ASNS: variants seen among roughly 807,000 people sequenced by gnomAD.
ASNS encodes asparagine synthetase [glutamine-hydrolyzing].
A neutral mutation model predicts 62.6 loss-of-function variants in ASNS; 37 were observed. That is an observed-to-expected ratio of 0.59 (90% confidence interval 0.45 to 0.78). The LOEUF is 0.78. Ranked by LOEUF, ASNS falls within the 30% of genes least tolerant of loss-of-function variation. ASNS has a pLI of 0.00. For missense variants in ASNS, 520 were observed against 682.4 expected (o/e 0.76, Z 2.65); for synonymous variants, 207 against 237.9 (o/e 0.87, Z 1.19).
the ASNS span, among the ~76,000 whole-genome samples, chr7:97,925,334 A>G: frequency 6.6e-6 from 1 of 152,158 alleles, no homozygotes; most frequent in Non-Finnish European, 1.5e-5. Flanking sequence ...CAGGGACCCA[A>G]GCTCGACACT....
chr7:97,928,136 C>A, the ASNS span: 12 of 1,531,954 alleles, frequency 7.8e-6, no homozygotes, highest in South Asian at 1.3e-4. Context: ...CCGGCCGCGG[C>A]GCGTCCTCCC....
chr7:97,859,712 G>A lies in ASNS; in HGVS notation c.488-314C>T, dbSNP rs944331638. ...AAGAAAACCTATTTTCTATACTAAA[G>A]CAAATACACAAAAGGAAAAGACACA... On this transcript the variant is annotated intron_variant, in intron 4 of 12. Coordinates refer to ENST00000394308, the MANE Select transcript of ASNS (RefSeq NM_001673.5). Among the ~76,000 whole-genome samples the A allele has an allele frequency of 1.8e-4, 28 of 152,130 alleles. No individual in the cohort carries two copies. The Middle Eastern group carries it at 0.01, about 55-fold the overall frequency.
the ASNS span, among the ~76,000 whole-genome samples, chr7:97,892,220 A>G: frequency 6.6e-6 from 1 of 152,102 alleles, no homozygotes; most frequent in Non-Finnish European, 1.5e-5. Context: ...GGCTCCTTTT[A>G]GCTGCAGCTG....
the ASNS span, among the ~76,000 whole-genome samples, chr7:97,877,816 T>C: frequency 6.6e-6 from 1 of 152,208 alleles, no homozygotes. Flanking sequence ...GCTGAGCAAA[T>C]GTGCTTAACA....
At chr7:97,917,195 T>C in the ASNS span, among the ~76,000 whole-genome samples, 1 of 145,972 alleles carries the variant, frequency 6.9e-6, no homozygotes, top group Non-Finnish European at 1.5e-5. Flanking sequence ...GTCCCAAATA[T>C]TGCATGGGAT....
the ASNS span, among the ~76,000 whole-genome samples, chr7:97,913,466 G>A: frequency 3.3e-5 from 5 of 152,100 alleles, no homozygotes; most frequent in South Asian, 2.1e-4. Context: ...TGTGCCTTTC[G>A]TATGCTCTCC....
At chr7:97,919,150 C>T in the ASNS span, among the ~76,000 whole-genome samples, 1 of 150,802 alleles carries the variant, frequency 6.6e-6, no homozygotes, top group South Asian at 2.1e-4. Flanking sequence ...CTGCAACCTC[C>T]TCCTCACTGC....
the ASNS span, among the ~76,000 whole-genome samples, chr7:97,919,517 C>G: frequency 6.6e-6 from 1 of 152,034 alleles, no homozygotes; most frequent in Non-Finnish European, 1.5e-5. Context: ...AGGACAGAGT[C>G]AAAAAAGAAA....
chr7:97,893,550 G>T, the ASNS span, among the ~76,000 whole-genome samples: 1 of 152,182 alleles, frequency 6.6e-6, no homozygotes, highest in East Asian at 1.9e-4. Context: ...CACACAAACA[G>T]AAATCAAAAA....
At chr7:97,922,363 C>CA in the ASNS span, among the ~76,000 whole-genome samples, 297 of 140,800 alleles carry the variant, frequency 2.1e-3, 1 homozygote, top group South Asian at 8.9e-3. Flanking sequence ...GAGATTGTCT[C>CA]AAAAAAAAAA....
chr7:97,880,937 T>G, the ASNS span, among the ~76,000 whole-genome samples: 1 of 125,206 alleles, frequency 8.0e-6, no homozygotes, highest in African/African-American at 2.7e-5. Flanking sequence ...GTGTGTGTTT[T>G]TGTTTTGTTT....
At chr7:97,901,850 C>T in the ASNS span, among the ~76,000 whole-genome samples, 1 of 152,072 alleles carries the variant, frequency 6.6e-6, no homozygotes, top group Non-Finnish European at 1.5e-5. Context: ...TGATGTTGTG[C>T]ACCTGTAGTC....
the ASNS span, among the ~76,000 whole-genome samples, chr7:97,885,309 T>C: frequency 6.9e-6 from 1 of 144,538 alleles, no homozygotes; most frequent in Admixed American, 6.7e-5. Flanking sequence ...AGCATTTGTG[T>C]TGTTTTCACT....
the ASNS span, among the ~76,000 whole-genome samples, chr7:97,887,914 A>T: frequency 2.0e-5 from 3 of 152,200 alleles, no homozygotes; most frequent in Non-Finnish European, 2.9e-5. Context: ...TTGGCCTGAC[A>T]CTACCAGTAA....
chr7:97,904,668 C>T, the ASNS span, among the ~76,000 whole-genome samples: 1 of 151,934 alleles, frequency 6.6e-6, no homozygotes, highest in Non-Finnish European at 1.5e-5. Flanking sequence ...CAGGGCAATG[C>T]ATGAAGACAG....
At chr7:97,870,138 G>C (rs1792182942) in intron 1 of ASNS, 1 of 602,082 alleles carries the variant, frequency 1.7e-6, no homozygotes, top group Admixed American at 4.2e-5. Context: ...TTATTTGGCT[G>C]CTGCCAGCTC....
chr7:97,921,720 T>C, the ASNS span, among the ~76,000 whole-genome samples: 72 of 152,084 alleles, frequency 4.7e-4, 1 homozygote, highest in African/African-American at 1.7e-3. Flanking sequence ...TCCAAGGAAA[T>C]GTGATAACAA....
chr7:97,921,203 A>C, the ASNS span, among the ~76,000 whole-genome samples: 2 of 152,218 alleles, frequency 1.3e-5, no homozygotes, highest in Non-Finnish European at 2.9e-5. Context: ...ACTTGTGTAC[A>C]TTTCAGGGGT....
the ASNS span, among the ~76,000 whole-genome samples, chr7:97,892,230 G>T: frequency 1.3e-5 from 2 of 152,176 alleles, no homozygotes; most frequent in Non-Finnish European, 2.9e-5. Context: ...AGCTGCAGCT[G>T]GAGTGGCTAG....
Sources: allele counts gnomAD v4.1 joint callset (sites outside exome capture counted in the v4.1 genomes callset), GRCh38; gene constraint gnomAD v4.1.1; transcripts MANE v1.5; gene names NCBI Gene and HGNC (gene_info 2026-07-23, HGNC 2026-07-21).